Variants in VWC2 observed in about 807,000 individuals in gnomAD.
VWC2 encodes brorin.
In VWC2, 14 loss-of-function variants were observed where a neutral mutation model predicts 29.8. The ratio of observed to expected loss-of-function variants is 0.47; its 90% CI spans 0.31 to 0.74. VWC2 has a LOEUF of 0.74. Among genes scored for constraint, VWC2 ranks in the 30% least tolerant of loss-of-function variants. The pLI, the probability that VWC2 is intolerant of heterozygous loss-of-function variation, is 0.05. For missense variants in VWC2, 457 were observed against 459.8 expected, an observed-to-expected ratio of 0.99 and a Z score of 0.05; for synonymous variants, 213 against 199.0, an observed-to-expected ratio of 1.07 and a Z score of -0.59.
At chr7:49,824,467 C>G (rs1445097330) in intron 3 of VWC2, among the ~76,000 whole-genome samples, 4 of 152,178 alleles carry the variant, frequency 2.6e-5, no homozygotes, top group Non-Finnish European at 5.9e-5. Context: ...TCAGACTCTT[C>G]TCTAGAATTA....
At chr7:49,859,880 A>C (rs1459660307) in intron 3 of VWC2, among the ~76,000 whole-genome samples, 2 of 152,304 alleles carry the variant, frequency 1.3e-5, no homozygotes, top group East Asian at 3.9e-4. Flanking sequence ...CAACACAGGG[A>C]AAACTAAGAA....
intron 3 of VWC2, among the ~76,000 whole-genome samples, chr7:49,820,396 G>A (rs533329096): frequency 2.6e-4 from 40 of 151,922 alleles, no homozygotes; most frequent in Middle Eastern, 3.4e-3. Flanking sequence ...AAAGCCTGAA[G>A]GAAGGGCTCA....
chr7:49,795,287 A>C (rs1387376033), intron 2 of VWC2, among the ~76,000 whole-genome samples: 4 of 152,224 alleles, frequency 2.6e-5, no homozygotes, highest in Non-Finnish European at 5.9e-5. Flanking sequence ...TCAATTATTC[A>C]TTACACATTT....
chr7:49,823,728 C>T lies in VWC2; in HGVS notation c.826+20888C>T, dbSNP rs193042527. Among the ~76,000 whole-genome samples, 5 of 152,306 alleles carry T rather than the reference C, an allele frequency of 3.3e-5. No individual in the cohort carries two copies. In the East Asian group the frequency reaches 9.6e-4, roughly 29 times the overall value. On this transcript the variant is annotated intron_variant, in intron 3 of 3. Transcript: ENST00000340652. ...CCATGACATCAAATGTAGGTCAAAA[C>T]AGCACTTGTGAAATGTGATATTACA...
chr7:49,911,965 T>C (rs976339067), intron 3 of VWC2, 69 bp from the exon 4 acceptor site: 5 of 903,630 alleles, frequency 5.5e-6, no homozygotes, highest in Non-Finnish European at 7.4e-6. Context: ...ACTGTAATGC[T>C]TAATACCTAA....
chr7:49,855,146 T>G (rs1790362374), intron 3 of VWC2, among the ~76,000 whole-genome samples: 1 of 152,176 alleles, frequency 6.6e-6, no homozygotes, highest in South Asian at 2.1e-4. Flanking sequence ...CCTGCTCACA[T>G]TAGTCTTAAT....
At position 49,775,617 on chromosome 7, in the gene VWC2, A is replaced by T; in HGVS notation, c.182A>T (p.Glu61Val). ...ASRDGPGRVNELGRPARDEGG... is the reference protein window; with the variant it reads ...ASRDGPGRVNVLGRPARDEGG... ...CGGGACGGCCCGGGGCGGGTGAACG[A>T]GCTCGGGCGCCCGGCGAGGGACGAG... Residue 61 changes from glutamate (E) to valine (V), a missense_variant, in exon 2 of 4, where the codon GAG becomes GTG. Physicochemically the swap from Glu to Val is moderately radical, Grantham distance 121. Around this residue, in one of 2 missense-constraint regions of VWC2, gnomAD observed 272 missense variants for 202.7 expected, o/e 1.34. Transcript: ENST00000340652. 1 of 1,531,048 alleles carries T rather than the reference A, an allele frequency of 6.5e-7. No individual in the cohort carries two copies. 94.8% of individuals were successfully genotyped at this position (1,531,048 alleles called of 1,614,324 possible).
At chr7:49,838,812 AATGT>A (rs1036002189) in intron 3 of VWC2, among the ~76,000 whole-genome samples, 1 of 152,144 alleles carries the variant, frequency 6.6e-6, no homozygotes, top group Non-Finnish European at 1.5e-5. Flanking sequence ...AAATCAATAT[AATGT>A]ACATTTTACA....
In VWC2 at chr7:49,850,089, G is replaced by A. The variant is rs147274691; in HGVS notation, c.826+47249G>A. Among the ~76,000 whole-genome samples the A allele has an allele frequency of 3.4e-3, 522 of 152,256 alleles. 11 individuals are homozygous for A. The highest frequency in any genetic ancestry group is 6.8e-3 in the Middle Eastern group (2 of 294). ...AAGCACAGTACCACAACATGTTGCT[G>A]TAGAAAAACCAAGCCTAGCACATAG... On this transcript the variant is annotated intron_variant, in intron 3 of 3. Transcript: ENST00000340652.
chr7:49,897,553 T>TA (rs1410241239), intron 3 of VWC2, among the ~76,000 whole-genome samples: 1 of 152,174 alleles, frequency 6.6e-6, no homozygotes, highest in African/African-American at 2.4e-5. Flanking sequence ...AACTCTATCC[T>TA]AAAAACAGGT....
intron 3 of VWC2, among the ~76,000 whole-genome samples, chr7:49,900,049 A>T (rs899238350): frequency 5.9e-5 from 9 of 151,878 alleles, no homozygotes; most frequent in Non-Finnish European, 1.0e-4. Flanking sequence ...CTTGAATGTT[A>T]AACAATAAAC....
At chr7:49,788,580 C>A (rs915526535) in intron 2 of VWC2, among the ~76,000 whole-genome samples, 2 of 141,582 alleles carry the variant, frequency 1.4e-5, no homozygotes, top group African/African-American at 2.7e-5. Flanking sequence ...TGGGCATGTG[C>A]GACACCCACA....
At chr7:49,851,328 G>A (rs777010189) in intron 3 of VWC2, among the ~76,000 whole-genome samples, 1 of 152,096 alleles carries the variant, frequency 6.6e-6, no homozygotes, top group African/African-American at 2.4e-5. Context: ...TCCAAATAAG[G>A]CCTCATTCAT....
chr7:49,847,444 A>G (rs1244011981), intron 3 of VWC2, among the ~76,000 whole-genome samples: 5 of 152,016 alleles, frequency 3.3e-5, no homozygotes, highest in Admixed American at 2.0e-4. Context: ...GGGATCCCTG[A>G]CCATTATTAG....
chr7:49,843,185 T>C (rs1290430370), intron 3 of VWC2, among the ~76,000 whole-genome samples: 1 of 152,248 alleles, frequency 6.6e-6, no homozygotes, highest in Non-Finnish European at 1.5e-5. Flanking sequence ...AACTTCTTGC[T>C]TACTGTAACC....
intron 3 of VWC2, among the ~76,000 whole-genome samples, chr7:49,909,969 T>G (rs1047573243): frequency 6.6e-6 from 1 of 151,310 alleles, no homozygotes; most frequent in African/African-American, 2.4e-5. Context: ...GTTACTCAGG[T>G]GTGGTGGTGT....
chr7:49,791,204 C>T (rs562306223), intron 2 of VWC2, among the ~76,000 whole-genome samples: 2 of 152,298 alleles, frequency 1.3e-5, no homozygotes, highest in South Asian at 2.1e-4. Context: ...CGTGACTTGC[C>T]TCTACGTGCA....
At position 49,854,644 on chromosome 7, in the gene VWC2, T is replaced by A. The variant is rs1276352756; in HGVS notation, c.826+51804T>A. On this transcript the variant is annotated intron_variant, in intron 3 of 3. Coordinates refer to ENST00000340652, the MANE Select transcript of VWC2 (RefSeq NM_198570.5). ...TGTCAGATAAGTAGATTGCAAAATTTTTCTCCCATTCTGTAGGTTGCCTGT... is the reference window on the plus strand; with the variant it reads ...TGTCAGATAAGTAGATTGCAAAATTATTCTCCCATTCTGTAGGTTGCCTGT... 5.9e-5 allele frequency among the ~76,000 whole-genome samples: 9 copies of A among 152,378 alleles called. No individual in the cohort carries two copies. In the South Asian group the frequency reaches 1.7e-3, roughly 28 times the overall value.
intron 2 of VWC2, among the ~76,000 whole-genome samples, chr7:49,790,277 G>A (rs1035505808): frequency 6.6e-6 from 1 of 152,172 alleles, no homozygotes; most frequent in African/African-American, 2.4e-5. Flanking sequence ...GTTGTCTGTG[G>A]TGCCCGAGAA....
Sources: gnomAD v4.1 joint callset for allele counts (sites outside exome capture counted in the v4.1 genomes callset) on GRCh38, gnomAD v4.1.1 for gene constraint, gnomAD v4.1.1 regional missense constraint, MANE v1.5 for transcripts, NCBI Gene and HGNC (gene_info 2026-07-23, HGNC 2026-07-21) for gene names.